The following MYOM1 variants were observed in gnomAD, a reference collection of about 807,000 sequenced individuals.
MYOM1 encodes the protein myomesin 1, also known as myomesin-1.
MYOM1 carries 164 observed loss-of-function variants against 205.3 expected under a neutral mutation model. The ratio of observed to expected loss-of-function variants is 0.80; its 90% CI spans 0.70 to 0.91. The LOEUF (loss-of-function observed/expected upper bound fraction) is 0.91. Among genes scored for constraint, MYOM1 ranks in the 40% least tolerant of loss-of-function variants. The probability of loss-of-function intolerance (pLI) is 0.00; values close to 1 mark genes in which losing one functional copy is unlikely to be tolerated. For missense variants in MYOM1, 2,011 were observed against 2,127.3 expected (o/e 0.95, Z 1.08); for synonymous variants, 772 against 789.4 (o/e 0.98, Z 0.37).
intron 21 of MYOM1, among the ~76,000 whole-genome samples, chr18:3,114,811 C>A (rs551610507): frequency 6.6e-6 from 1 of 152,126 alleles, no homozygotes; most frequent in African/African-American, 2.4e-5. Context: ...ACTCTCCTTA[C>A]GGAAGTTCAC....
At chr18:3,214,274 A>G (rs1662319) in intron 2 of MYOM1, among the ~76,000 whole-genome samples, 1,671 of 152,320 alleles carry the variant, frequency 0.011, 30 homozygotes, top group African/African-American at 0.037. Flanking sequence ...AAACATTCTG[A>G]GCGCAAGGAA....
chr18:3,121,565 T>C (rs73937190), intron 19 of MYOM1, among the ~76,000 whole-genome samples: 21,673 of 152,188 alleles, frequency 0.14, 1,760 homozygotes, highest in East Asian at 0.33. Context: ...CATTGCTGTT[T>C]GGATTTTAAA....
chr18:3,074,712 C>A (rs947044129), intron 36 of MYOM1, among the ~76,000 whole-genome samples: 1 of 152,188 alleles, frequency 6.6e-6, no homozygotes, highest in Admixed American at 6.5e-5. Flanking sequence ...GCTTTTATCT[C>A]GCAGGGGCTC....
At chr18:3,241,415 G>A in the MYOM1 span, among the ~76,000 whole-genome samples, 1 of 152,212 alleles carries the variant, frequency 6.6e-6, no homozygotes, top group African/African-American at 2.4e-5. Context: ...TGGCCTCAAA[G>A]GGTGCAAGAC....
intron 26 of MYOM1, among the ~76,000 whole-genome samples, chr18:3,092,287 C>G (rs2079236308): frequency 6.6e-6 from 1 of 152,162 alleles, no homozygotes; most frequent in Admixed American, 6.5e-5. Flanking sequence ...GCCTCGAACT[C>G]CTGGACTGAA....
chr18:3,135,846 G>A lies in MYOM1; in HGVS notation c.2026-116C>T, dbSNP rs1043280189. On this transcript the variant is annotated intron_variant, in intron 14 of 37. Coordinates refer to ENST00000356443, the MANE Select transcript of MYOM1 (RefSeq NM_003803.4). The surrounding 1 kb of genome is among the most constrained non-coding windows in gnomAD (Gnocchi z 4.1). ...AAACCACTCCCTGTAATGCAAGCTG[G>A]ACTGGAGGAGAGATGAGGAGGAAAT... 16 of 1,092,684 alleles carry A rather than the reference G, an allele frequency of 1.5e-5. No individual in the cohort carries two copies. In the African/African-American group the frequency reaches 2.3e-4, roughly 16 times the overall value. 67.7% of individuals were successfully genotyped at this position (1,092,684 alleles called of 1,614,324 possible). A position where few individuals can be genotyped will look rare whatever the true frequency, so the allele number is the denominator to read the frequency against.
chr18:3,224,830 A>AT (rs2081345928), upstream of MYOM1, among the ~76,000 whole-genome samples: 1 of 151,872 alleles, frequency 6.6e-6, no homozygotes, highest in African/African-American at 2.4e-5. Context: ...TGCCCGGCTA[A>AT]TTTTTTGTGT....
chr18:3,084,113 C>T lies in MYOM1; in HGVS notation c.4340-86G>A, dbSNP rs975209334. The stretch of plus-strand genomic sequence containing the variant: ...CTCAAATTCTTAGCTCTCAAAAATT[C>T]CCTTTCTGGTTGAAAGGAAATGGAA... On this transcript the variant is annotated intron_variant, in intron 31 of 37. Coordinates refer to ENST00000356443, the MANE Select transcript of MYOM1 (RefSeq NM_003803.4). The T allele has an allele frequency of 1.4e-5, 20 of 1,421,918 alleles. No individual in the cohort carries two copies. In the African/African-American group the frequency reaches 1.6e-4, roughly 11 times the overall value. 88.1% of individuals were successfully genotyped at this position (1,421,918 alleles called of 1,614,324 possible).
At chr18:3,236,631 G>C in the MYOM1 span, 1 of 152,256 alleles carries the variant, frequency 6.6e-6, no homozygotes, top group African/African-American at 2.4e-5. Flanking sequence ...CATTTGTGGA[G>C]TGTGAAGGTT....
chr18:3,084,917 C>T, intron 31 of MYOM1, 128 bp downstream of exon 31: 2 of 678,778 alleles, frequency 2.9e-6, no homozygotes, highest in Non-Finnish European at 4.9e-6. Context: ...GTTGGAATTT[C>T]AATTAAGCCA....
Position 3,209,539 on chromosome 18 carries a change from C to G in MYOM1, c.290+5395G>C, listed in dbSNP as rs2081166627. Among the ~76,000 whole-genome samples the G allele has an allele frequency of 6.6e-6, 1 of 152,206 alleles. No individual in the cohort carries two copies. Among genetic ancestry groups the G allele is most frequent in the Non-Finnish European group, 1.5e-5 (1 of 68,034 alleles). On this transcript the variant is annotated intron_variant, in intron 2 of 37. Coordinates refer to ENST00000356443, the MANE Select transcript of MYOM1 (RefSeq NM_003803.4). The surrounding 1 kb of genome is among the most constrained non-coding windows in gnomAD (Gnocchi z 4.0). ...CTCCCTTCAATGGCCCACAGGCCCT[C>G]CATGATCAGTCCTGCCCAACCCATC...
rs549386891 is a variant in MYOM1, at chr18:3,182,913, CTTTTTTTTTTTTTTT to C, written c.929+4552_929+4566del. Among the ~76,000 whole-genome samples the C allele has an allele frequency of 1.1e-3, 97 of 92,300 alleles. 1 individual carries two copies. Among genetic ancestry groups the C allele is most frequent in the African/African-American group, 3.2e-3 (89 of 27,484 alleles). 60.6% of individuals were successfully genotyped at this position (92,300 alleles called of 152,430 possible). On this transcript the variant is annotated intron_variant, in intron 5 of 37. Transcript: ENST00000356443. ...CCTCTGCAACTAACTTTTCTTTCTT[CTTTTTTTTTTTTTTT>C]TTTTTTTTTTTTTTGAGACAGAGTT...
rs181005111 is a variant in MYOM1 at position 3,199,764 on chromosome 18, C to T, written c.291-5806G>A. On this transcript the variant is annotated intron_variant, in intron 2 of 37. Transcript: ENST00000356443. ...CTGAGGCAGGAGAATCACTTGAACC[C>T]GGGAGGTGGAGGTTGCAGCGAGCTG... is the stretch of plus-strand genomic sequence containing the variant. Among the ~76,000 whole-genome samples, 293 of 152,122 alleles carry T rather than the reference C, an allele frequency of 1.9e-3. 10 individuals carry two copies. The South Asian group carries it at 0.05, about 26-fold the overall frequency.
chr18:3,160,090 TCTTCTCCTCCTC>T (rs1291986271), intron 10 of MYOM1, among the ~76,000 whole-genome samples: 4 of 114,792 alleles, frequency 3.5e-5, no homozygotes, highest in African/African-American at 4.0e-5. Context: ...TCCTCCTCCT[TCTTCTCCTCCTC>T]CTTCTTCTTC....
rs187252406 is a variant in MYOM1 at position 3,113,534 on chromosome 18, T to C, written c.3304-1122A>G. ...TTTTTATAGATACGGGATTTCTCCA[T>C]GTTGCCCAGGCTGGTCTCAAACTCC... On this transcript the variant is annotated intron_variant, in intron 21 of 37. Coordinates refer to ENST00000356443, the MANE Select transcript of MYOM1 (RefSeq NM_003803.4). Among the ~76,000 whole-genome samples the C allele has an allele frequency of 9.0e-3, 1,367 of 152,084 alleles. 24 individuals carry two copies. Among genetic ancestry groups the C allele is most frequent in the African/African-American group, 0.03 (1,243 of 41,472 alleles).
chr18:3,143,653 C>T (rs900172261), intron 13 of MYOM1, among the ~76,000 whole-genome samples: 2 of 152,094 alleles, frequency 1.3e-5, no homozygotes, highest in African/African-American at 4.8e-5. Flanking sequence ...GTAATCCAGA[C>T]ACTTTGAGAG....
chr18:3,122,825 T>C (rs890985075), intron 19 of MYOM1, among the ~76,000 whole-genome samples: 8 of 152,226 alleles, frequency 5.3e-5, no homozygotes, highest in African/African-American at 1.9e-4. Flanking sequence ...TTTTTGATAA[T>C]TTTAATTAAC....
intron 14 of MYOM1, among the ~76,000 whole-genome samples, chr18:3,141,386 G>A (rs2080046378): frequency 6.6e-6 from 1 of 152,164 alleles, no homozygotes; most frequent in South Asian, 2.1e-4. Context: ...GAAAGAACTT[G>A]CCAATATTTA....
In MYOM1 at chr18:3,108,281, C is replaced by G. The variant is rs570456615; in HGVS notation, c.3418+4017G>C. Among the ~76,000 whole-genome samples, 32 of 152,256 alleles carry G rather than the reference C, an allele frequency of 2.1e-4. No individual in the cohort carries two copies. In the South Asian group the frequency reaches 6.6e-3, roughly 32 times the overall value. ...TGTCTATGCAGTGGGAAGGGAGAAC[C>G]TAATGGGCGATTACACTAACAAAGA... On this transcript the variant is annotated intron_variant, in intron 22 of 37. Coordinates refer to ENST00000356443, the MANE Select transcript of MYOM1 (RefSeq NM_003803.4).
Sources: allele counts gnomAD v4.1 joint callset (sites outside exome capture counted in the v4.1 genomes callset), GRCh38; gene constraint gnomAD v4.1.1; non-coding constraint Gnocchi (gnomAD v3.1); transcripts MANE v1.5; gene names NCBI Gene and HGNC (gene_info 2026-07-23, HGNC 2026-07-21).